Variants in HMCES observed in about 807,000 individuals in gnomAD.
The protein encoded by HMCES is 5-hydroxymethylcytosine binding, ES cell specific.
In HMCES, 27 loss-of-function variants were observed where a neutral mutation model predicts 35.1. The ratio of observed to expected loss-of-function variants is 0.77; its 90% confidence interval spans 0.57 to 1.06. The LOEUF is 1.06. HMCES is among the 50% of genes least tolerant of loss of function. The pLI is 0.00. For synonymous variants in HMCES, 130 were observed against 154.7 expected (o/e 0.84, Z 1.18); for missense variants, 391 against 430.4 (o/e 0.91, Z 0.81).
rs532874001 is a variant in HMCES, at chr3:129,290,477, T to G, written c.328-202T>G. 3.3e-5 allele frequency among the ~76,000 whole-genome samples: 5 copies of G among 152,160 alleles called. No homozygotes were observed. The South Asian group carries it at 8.3e-4, about 25-fold the overall frequency. On this transcript the variant is annotated intron_variant, in intron 3 of 6. Coordinates refer to ENST00000383463, the MANE Select transcript of HMCES (RefSeq NM_020187.3). ...TTTTATATTTTTAGTAGAGATGGGC[T>G]TTCACCTTGTTAGCCAGGCTGGTCT...
rs1198518605 is a variant in HMCES, at chr3:129,288,934, C to A, written c.264C>A (p.Ser88=). The change falls in exon 3 of 7, where the codon TCC becomes TCA. Residue 88 remains serine, a synonymous_variant. Coordinates refer to ENST00000383463, the MANE Select transcript of HMCES (RefSeq NM_020187.3). Reference sequence around the variant, plus strand: ...CTTGGTTCAAAGAAAGTGATCCTTCCAAGCTGCAGTTCAATACTACCAACT... The same window carrying A: ...CTTGGTTCAAAGAAAGTGATCCTTCAAAGCTGCAGTTCAATACTACCAACT... ...VPSWFKESDP[S]KLQFNTTNCR... is the part of the protein sequence containing the mutation. 1 of 1,603,258 alleles carries A rather than the reference C, an allele frequency of 6.2e-7. No homozygotes were observed. Among genetic ancestry groups the A allele is most frequent in the South Asian group, 1.1e-5 (1 of 90,262 alleles).
chr3:129,282,508 G>C (rs1191175530), intron 2 of HMCES, among the ~76,000 whole-genome samples: 1 of 152,134 alleles, frequency 6.6e-6, no homozygotes, highest in Non-Finnish European at 1.5e-5. Context: ...ACCAGGAATG[G>C]GGAAGGTGGA....
intron 5 of HMCES, among the ~76,000 whole-genome samples, chr3:129,301,117 G>A (rs1244528764): frequency 1.3e-5 from 2 of 150,426 alleles, no homozygotes; most frequent in South Asian, 2.1e-4. Flanking sequence ...GCATGAACCC[G>A]GGGGGTGGAG....
At chr3:129,298,603 A>G in intron 5 of HMCES, 68 bp downstream of exon 5, 1 of 1,361,822 alleles carries the variant, frequency 7.3e-7, no homozygotes, top group Non-Finnish European at 1.0e-6. Context: ...GCTTTTAGGT[A>G]GCTTTAGAGA....
At chr3:129,291,164 T>C (rs2071011055) in intron 4 of HMCES, among the ~76,000 whole-genome samples, 1 of 152,032 alleles carries the variant, frequency 6.6e-6, no homozygotes, top group Non-Finnish European at 1.5e-5. Flanking sequence ...ATCACACCAC[T>C]GCACTGGGCG....
intron 4 of HMCES, among the ~76,000 whole-genome samples, chr3:129,291,911 C>T (rs1012243434): frequency 6.6e-6 from 1 of 151,944 alleles, no homozygotes; most frequent in Admixed American, 6.6e-5. Context: ...GGCAACATGG[C>T]GAAAACCCAT....
chr3:129,292,119 C>T (rs538603202), intron 4 of HMCES, among the ~76,000 whole-genome samples: 1 of 152,208 alleles, frequency 6.6e-6, no homozygotes, highest in South Asian at 2.1e-4. Context: ...ATAATTTGAA[C>T]TGTTCATGTT....
chr3:129,279,793 CA>C lies in HMCES; in HGVS notation c.62del (p.Gln21ArgfsTer82). On this transcript the variant is annotated frameshift_variant, in exon 2 of 7. Coordinates refer to ENST00000383463, the MANE Select transcript of HMCES (RefSeq NM_020187.3). LOFTEE classifies it high-confidence loss of function. This position sits in a 1 kb window ranked among gnomAD's most constrained non-coding sequence, Gnocchi z 4.2. ...RDVLTRACAY[Q>X]DRRGQQRLPE... ...TGTTCTCACGAGAGCTTGCGCCTAC[CA>C]GGATCGGCGGGGCCAGCAGCGGCTC... 1 of 1,613,866 alleles carries C rather than the reference CA, an allele frequency of 6.2e-7. No individual in the cohort carries two copies. Among genetic ancestry groups the C allele is most frequent in the Non-Finnish European group, 8.5e-7 (1 of 1,179,934 alleles).
rs753570955 is a variant in HMCES, at chr3:129,304,817, A to G, written c.1057A>G (p.Ser353Gly). Residue 353 changes from serine to glycine, a missense_variant, in exon 7 of 7, where the codon AGC becomes GGC. Coordinates refer to ENST00000383463, the MANE Select transcript of HMCES (RefSeq NM_020187.3). ...EEEPVAKRPY[S>G]Q is the part of the protein sequence containing the mutation. ...GGAACCTGTGGCCAAGCGTCCTTAC[A>G]GCCAGTGACACAGGACTTTCAGAGA... The G allele has an allele frequency of 9.3e-6, 15 of 1,613,824 alleles. No individual in the cohort carries two copies. The highest frequency in any genetic ancestry group is 1.2e-5 in the Non-Finnish European group (14 of 1,179,716).
chr3:129,285,587 G>T (rs1940614778), intron 2 of HMCES, among the ~76,000 whole-genome samples: 1 of 152,022 alleles, frequency 6.6e-6, no homozygotes, highest in African/African-American at 2.4e-5. Flanking sequence ...GAGTAGCTGG[G>T]ACTACAGGCA....
At chr3:129,299,395 A>C (rs543418734) in intron 5 of HMCES, among the ~76,000 whole-genome samples, 12 of 152,308 alleles carry the variant, frequency 7.9e-5, no homozygotes, top group Admixed American at 7.8e-4. Flanking sequence ...TATTTAATTA[A>C]AATTGAATAT....
chr3:129,304,549 C>T (rs1236707808), intron 6 of HMCES, 40 bp from the exon 7 acceptor site: 2 of 1,565,350 alleles, frequency 1.3e-6, no homozygotes, highest in Non-Finnish European at 1.8e-6. Context: ...TTCCCAAAAG[C>T]TTGAGCTGTA....
chr3:129,299,962 A>AT (rs1366743144), intron 5 of HMCES, among the ~76,000 whole-genome samples: 216 of 146,710 alleles, frequency 1.5e-3, no homozygotes, highest in African/African-American at 4.5e-3. Flanking sequence ...AGCCATGGTC[A>AT]TTTTTTTTTT....
In HMCES at chr3:129,288,144, G is replaced by A. The variant is rs139087037; in HGVS notation, c.184-710G>A. Among the ~76,000 whole-genome samples, 1,300 of 152,148 alleles carry A rather than the reference G, an allele frequency of 8.5e-3. 15 individuals carry two copies. The highest frequency in any genetic ancestry group is 0.03 in the African/African-American group (1,236 of 41,510). Reference sequence around the variant, plus strand: ...TACAAAATTAGCTGGACATGATGGTGTGCACCTGTAGTCCCAGCTACTTGG... The same window carrying A: ...TACAAAATTAGCTGGACATGATGGTATGCACCTGTAGTCCCAGCTACTTGG... On this transcript the variant is annotated intron_variant, in intron 2 of 6. Coordinates refer to ENST00000383463, the MANE Select transcript of HMCES (RefSeq NM_020187.3).
intron 4 of HMCES, among the ~76,000 whole-genome samples, chr3:129,294,780 T>G (rs1240737055): frequency 6.6e-6 from 1 of 152,244 alleles, no homozygotes; most frequent in Non-Finnish European, 1.5e-5. Flanking sequence ...CCTGAAGGAC[T>G]TTAATTTTTC....
chr3:129,283,589 G>T (rs1940556681), intron 2 of HMCES, among the ~76,000 whole-genome samples: 1 of 152,054 alleles, frequency 6.6e-6, no homozygotes, highest in South Asian at 2.1e-4. Context: ...TCATTACTTT[G>T]GGAGGCTGAG....
At chr3:129,282,960 A>T (rs1940539045) in intron 2 of HMCES, among the ~76,000 whole-genome samples, 1 of 152,208 alleles carries the variant, frequency 6.6e-6, no homozygotes, top group African/African-American at 2.4e-5. Flanking sequence ...CTCAGCGCTG[A>T]TCAGTGGAAT....
At chr3:129,284,522 C>T (rs1161044661) in intron 2 of HMCES, among the ~76,000 whole-genome samples, 2 of 152,146 alleles carry the variant, frequency 1.3e-5, no homozygotes, top group East Asian at 3.8e-4. Flanking sequence ...CTTGCATTTC[C>T]CTAAGAGCAG....
At chr3:129,295,908 C>T (rs1052668275) in intron 4 of HMCES, among the ~76,000 whole-genome samples, 1 of 151,896 alleles carries the variant, frequency 6.6e-6, no homozygotes, top group African/African-American at 2.4e-5. Flanking sequence ...TTGGCTTTTT[C>T]CTCTTCAAAT....
Sources: allele counts gnomAD v4.1 joint callset (sites outside exome capture counted in the v4.1 genomes callset), GRCh38; gene constraint gnomAD v4.1.1; non-coding constraint Gnocchi (gnomAD v3.1); transcripts MANE v1.5; gene names NCBI Gene and HGNC (gene_info 2026-07-23, HGNC 2026-07-21).